Variants in MNS1 observed in about 807,000 individuals in gnomAD.
MNS1 encodes meiosis-specific nuclear structural protein 1.
In MNS1, 63 loss-of-function variants were observed where a neutral mutation model predicts 72.0. The ratio of observed to expected loss-of-function variants is 0.87; its 90% confidence interval spans 0.71 to 1.08. MNS1 has a LOEUF of 1.08. Among genes scored for constraint, MNS1 ranks in the 50% least tolerant of loss-of-function variants. The pLI, the probability that MNS1 is intolerant of heterozygous loss-of-function variation, is 0.00. For missense variants in MNS1, 604 were observed against 562.4 expected, an observed-to-expected ratio of 1.07 and a Z score of -0.75; for synonymous variants, 188 against 172.1, an observed-to-expected ratio of 1.09 and a Z score of -0.72.
chr15:56,440,753 C>T (rs1279209277), intron 7 of MNS1, among the ~76,000 whole-genome samples: 3 of 152,106 alleles, frequency 2.0e-5, no homozygotes, highest in Admixed American at 2.0e-4. Flanking sequence ...TATAACATTC[C>T]TGAGGCACAT....
At position 56,444,797 on chromosome 15, in the gene MNS1, T is replaced by C. The variant is rs1469295661; in HGVS notation, c.457-124A>G. On this transcript the variant is annotated intron_variant, in intron 4 of 9. Coordinates refer to ENST00000260453, the MANE Select transcript of MNS1 (RefSeq NM_018365.4). ...CATAAAATAAATTTTTTCATCTGTC[T>C]AGGTTAAAAAGCAAAAGTAAGTTAT... 7.8e-6 allele frequency: 7 copies of C among 891,772 alleles called. No homozygotes were observed. The Admixed American group carries it at 1.6e-4, about 21-fold the overall frequency. The allele number at this position is 891,772 out of a possible 1,614,324, so 55.2% of individuals were successfully genotyped here.
intron 3 of MNS1, among the ~76,000 whole-genome samples, chr15:56,450,723 A>T (rs2050941732): frequency 6.6e-6 from 1 of 152,206 alleles, no homozygotes. Context: ...TTTGTATACA[A>T]GTATCCATTT....
Position 56,465,014 on chromosome 15 carries a change from AC to A in MNS1, c.-43del. Reference sequence around the variant, plus strand: ...TACCCCCTCTCGTGGGACCGCGGCCACCACCTCCCGCCGCAAACGCAGCAGC... The same window carrying A: ...TACCCCCTCTCGTGGGACCGCGGCCACACCTCCCGCCGCAAACGCAGCAGC... On this transcript the variant is annotated 5_prime_UTR_variant, in exon 1 of 10. Coordinates refer to ENST00000260453, the MANE Select transcript of MNS1 (RefSeq NM_018365.4). 6.3e-7 allele frequency: 1 copy of A among 1,581,822 alleles called. No individual in the cohort carries two copies. Among genetic ancestry groups the A allele is most frequent in the African/African-American group, 1.3e-5 (1 of 74,128 alleles).
In MNS1 at chr15:56,450,668, G is replaced by A. The variant is rs375516000; in HGVS notation, c.354-3725C>T. On this transcript the variant is annotated intron_variant, in intron 3 of 9. Transcript: ENST00000260453. ...ATCCACCCATCTGATGGACATTCAGGTTGTTTCAACATTTTGGTTATTGGA... is the reference window on the plus strand; with the variant it reads ...ATCCACCCATCTGATGGACATTCAGATTGTTTCAACATTTTGGTTATTGGA... Among the ~76,000 whole-genome samples, 8 of 152,102 alleles carry A rather than the reference G, an allele frequency of 5.3e-5. No individual in the cohort carries two copies. The East Asian group carries it at 1.4e-3, about 26-fold the overall frequency.
chr15:56,457,518 A>G (rs1194620546), intron 2 of MNS1, among the ~76,000 whole-genome samples: 1 of 152,224 alleles, frequency 6.6e-6, no homozygotes, highest in Admixed American at 6.5e-5. Flanking sequence ...TCAGTTTTAT[A>G]GTTTGATATA....
intron 3 of MNS1, among the ~76,000 whole-genome samples, chr15:56,455,507 T>C (rs1470979081): frequency 1.3e-5 from 2 of 152,174 alleles, no homozygotes; most frequent in Admixed American, 6.5e-5. Context: ...CCTGTAATAT[T>C]CTACAGACGT....
intron 7 of MNS1, among the ~76,000 whole-genome samples, chr15:56,435,434 G>GAA (rs368967008): frequency 2.0e-5 from 3 of 146,654 alleles, no homozygotes; most frequent in African/African-American, 7.5e-5. Flanking sequence ...GGCTGACCTA[G>GAA]AAAAAAAAAA....
At chr15:56,458,111 C>T (rs1455049282) in intron 2 of MNS1, among the ~76,000 whole-genome samples, 4 of 152,090 alleles carry the variant, frequency 2.6e-5, no homozygotes, top group Admixed American at 6.5e-5. Context: ...AAGCTAATTC[C>T]AAAAGATTAC....
chr15:56,445,221 A>T (rs948614668), intron 4 of MNS1, among the ~76,000 whole-genome samples: 7 of 152,048 alleles, frequency 4.6e-5, no homozygotes, highest in Admixed American at 4.6e-4. Flanking sequence ...TCTGAAAAGA[A>T]TCACAGATGC....
intron 4 of MNS1, 57 bp from the exon 5 acceptor site, chr15:56,444,730 T>C: frequency 1.5e-6 from 2 of 1,309,794 alleles, no homozygotes; most frequent in Non-Finnish European, 2.2e-6. Context: ...AGTACGATAG[T>C]ATATTTTACA....
chr15:56,431,604 TTA>T, intron 8 of MNS1, 106 bp from the exon 9 acceptor site: 1 of 1,042,122 alleles, frequency 9.6e-7, no homozygotes, highest in Non-Finnish European at 1.4e-6. Flanking sequence ...GATGAACTAT[TTA>T]TGACACTAAG....
chr15:56,433,604 A>C (rs2050658957), intron 8 of MNS1, among the ~76,000 whole-genome samples: 2 of 151,994 alleles, frequency 1.3e-5, no homozygotes, highest in South Asian at 4.2e-4. Flanking sequence ...GGATTATTAT[A>C]ATAACTTACT....
intron 2 of MNS1, among the ~76,000 whole-genome samples, chr15:56,457,725 G>C (rs78176148): frequency 0.058 from 8,741 of 151,716 alleles, 645 homozygotes; most frequent in East Asian, 0.37. Context: ...TGAGGTAGGA[G>C]GACCGCCGGA....
Position 56,431,494 on chromosome 15 carries a change from C to T in MNS1, c.1274G>A (p.Arg425His), listed in dbSNP as rs144217705. Residue 425 changes from arginine to histidine, a missense_variant, in exon 9 of 10, where the codon CGT (arginine) becomes CAT (histidine). Coordinates refer to ENST00000260453, the MANE Select transcript of MNS1 (RefSeq NM_018365.4). ...RRQQFLADKQ[R>H]ELEEWQLQQR... Reference sequence around the variant, plus strand: ...CTGCAACTGCCACTCTTCTAGTTCACGTTGCTGGAAATGCAGATCAAATTT... The same window carrying T: ...CTGCAACTGCCACTCTTCTAGTTCATGTTGCTGGAAATGCAGATCAAATTT... The T allele has an allele frequency of 1.5e-3, 2,439 of 1,613,420 alleles. 7 individuals are homozygous for T. The highest frequency in any genetic ancestry group is 3.5e-3 in the South Asian group (319 of 90,994).
At chr15:56,440,981 A>G (rs2050806595) in intron 7 of MNS1, among the ~76,000 whole-genome samples, 1 of 152,174 alleles carries the variant, frequency 6.6e-6, no homozygotes, top group Non-Finnish European at 1.5e-5. Context: ...ACACAGGCTC[A>G]TTAATTTTTA....
chr15:56,430,671 C>A (rs1180906568), intron 9 of MNS1, among the ~76,000 whole-genome samples: 3 of 152,116 alleles, frequency 2.0e-5, no homozygotes, highest in African/African-American at 7.2e-5. Flanking sequence ...TTACCAGTGA[C>A]AATGTTTTCA....
intron 2 of MNS1, among the ~76,000 whole-genome samples, chr15:56,460,017 T>TAA (rs1567154815): frequency 2.9e-5 from 1 of 34,752 alleles, no homozygotes; most frequent in Non-Finnish European, 6.3e-5. Flanking sequence ...AAAATACATA[T>TAA]ATATATATAT....
chr15:56,456,658 T>C (rs756478185), intron 2 of MNS1, 137 bp from the exon 3 acceptor site: 13 of 898,044 alleles, frequency 1.4e-5, no homozygotes, highest in Admixed American at 3.2e-5. Flanking sequence ...ATACAAAATG[T>C]TGTTTCAATA....
At chr15:56,433,782 T>C (rs1337367711) in intron 8 of MNS1, among the ~76,000 whole-genome samples, 1 of 152,192 alleles carries the variant, frequency 6.6e-6, no homozygotes, top group East Asian at 1.9e-4. Context: ...TCATGATCTG[T>C]TTCTCTCTCT....
Sources: gnomAD v4.1 joint callset for allele counts (sites outside exome capture counted in the v4.1 genomes callset) on GRCh38, gnomAD v4.1.1 for gene constraint, MANE v1.5 for transcripts, NCBI Gene and HGNC (gene_info 2026-07-23, HGNC 2026-07-21) for gene names.